Variants in SDK1 observed in about 807,000 individuals in gnomAD.
SDK1 encodes sidekick cell adhesion molecule 1, also known as protein sidekick-1.
Under a neutral mutation model 245.5 loss-of-function variants are expected in SDK1, and 157 were observed. That is an observed-to-expected ratio of 0.64 (90% CI 0.56 to 0.73). The LOEUF is 0.73. Ranked by LOEUF, SDK1 falls within the 30% of genes least tolerant of loss-of-function variation. The pLI, the probability that SDK1 is intolerant of heterozygous loss-of-function variation, is 0.00. For missense variants in SDK1, 3,583 were observed against 3,002.3 expected, an observed-to-expected ratio of 1.19 and a Z score of -4.52; for synonymous variants, 1,647 against 1,278.5, an observed-to-expected ratio of 1.29 and a Z score of -6.15.
intron 4 of SDK1, among the ~76,000 whole-genome samples, chr7:3,760,092 T>C (rs1780049582): frequency 1.3e-5 from 2 of 151,194 alleles, no homozygotes; most frequent in African/African-American, 2.4e-5. Context: ...GTTTACGCAT[T>C]GTGCATGTTT....
intron 4 of SDK1, among the ~76,000 whole-genome samples, chr7:3,657,275 A>C (rs917228029): frequency 6.6e-6 from 1 of 152,164 alleles, no homozygotes; most frequent in African/African-American, 2.4e-5. Flanking sequence ...AAAACATGCT[A>C]AACAGATGAG....
Position 3,860,283 on chromosome 7 carries a change from A to G in SDK1, c.847+38700A>G, listed in dbSNP as rs192613088. On this transcript the variant is annotated intron_variant, in intron 5 of 44. Transcript: ENST00000404826. ...AGACAGACTGGAAGAAAACATTTGC[A>G]ACATAGTCAATCTACAAAGTCTTTT... Among the ~76,000 whole-genome samples, 358 of 152,352 alleles carry G rather than the reference A, an allele frequency of 2.3e-3. 6 individuals are homozygous for G. In the South Asian group the frequency reaches 0.029, roughly 12 times the overall value.
At chr7:3,552,452 T>G (rs2128623553) in intron 1 of SDK1, among the ~76,000 whole-genome samples, 1 of 152,288 alleles carries the variant, frequency 6.6e-6, no homozygotes, top group South Asian at 2.1e-4. Context: ...GGCTACTAGT[T>G]TCTCACCTAC....
intron 1 of SDK1, among the ~76,000 whole-genome samples, chr7:3,432,440 C>G (rs57730923): frequency 6.6e-6 from 1 of 151,962 alleles, no homozygotes; most frequent in Admixed American, 6.6e-5. Context: ...TGTGAATTCT[C>G]CAGGGGGCAA....
At chr7:3,589,065 A>G (rs1780777137) in intron 1 of SDK1, among the ~76,000 whole-genome samples, 2 of 152,372 alleles carry the variant, frequency 1.3e-5, no homozygotes, top group African/African-American at 2.4e-5. Flanking sequence ...TTTTACGGAC[A>G]TCAAGTCAAT....
intron 4 of SDK1, among the ~76,000 whole-genome samples, chr7:3,700,058 T>C (rs1024336145): frequency 6.6e-6 from 1 of 152,188 alleles, no homozygotes; most frequent in Non-Finnish European, 1.5e-5. Flanking sequence ...ATTTTTCACT[T>C]ACTGAAAGAC....
intron 1 of SDK1, among the ~76,000 whole-genome samples, chr7:3,495,623 T>A (rs1414348140): frequency 1.3e-5 from 2 of 152,200 alleles, no homozygotes; most frequent in Non-Finnish European, 2.9e-5. Context: ...AAATTACTCT[T>A]CTTAAAAACA....
chr7:3,648,135 A>G (rs980592900), intron 4 of SDK1, among the ~76,000 whole-genome samples: 14 of 152,198 alleles, frequency 9.2e-5, no homozygotes, highest in African/African-American at 3.4e-4. Flanking sequence ...TTTGATAATA[A>G]AATTGTTCTG....
chr7:3,541,469 C>G (rs752288197), intron 1 of SDK1, among the ~76,000 whole-genome samples: 20 of 152,336 alleles, frequency 1.3e-4, no homozygotes, highest in Non-Finnish European at 2.5e-4. Flanking sequence ...CATTCCCAAC[C>G]TCTTTTCCTT....
intron 5 of SDK1, among the ~76,000 whole-genome samples, chr7:3,914,253 A>G (rs779035287): frequency 1.3e-5 from 2 of 152,170 alleles, no homozygotes; most frequent in Non-Finnish European, 2.9e-5. Flanking sequence ...GCCTATTTTC[A>G]TTCCTGCTCA....
chr7:3,736,834 G>T (rs1055766512), intron 4 of SDK1, among the ~76,000 whole-genome samples: 2 of 152,108 alleles, frequency 1.3e-5, no homozygotes, highest in African/African-American at 4.8e-5. Flanking sequence ...AACTTCAAAT[G>T]TACAATACAG....
intron 5 of SDK1, among the ~76,000 whole-genome samples, chr7:3,868,533 A>T (rs375198877): frequency 5.9e-5 from 9 of 152,340 alleles, no homozygotes; most frequent in African/African-American, 2.2e-4. Context: ...GACAAAATAG[A>T]TGGGGGGCCT....
chr7:3,934,742 A>G (rs983920491), intron 5 of SDK1, among the ~76,000 whole-genome samples: 1 of 152,192 alleles, frequency 6.6e-6, no homozygotes, highest in South Asian at 2.1e-4. Context: ...CTCTTGTCCT[A>G]CTTTCCCCAG....
At chr7:3,876,668 C>G (rs1484481815) in intron 5 of SDK1, among the ~76,000 whole-genome samples, 1 of 152,046 alleles carries the variant, frequency 6.6e-6, no homozygotes, top group East Asian at 1.9e-4. Context: ...TATAGTAGAC[C>G]TTAAGTGGCC....
chr7:4,096,835 A>G (rs562918695), intron 22 of SDK1, among the ~76,000 whole-genome samples: 1 of 152,052 alleles, frequency 6.6e-6, no homozygotes, highest in East Asian at 2.0e-4. Flanking sequence ...GGACACTGAA[A>G]CCCCCACGGG....
intron 22 of SDK1, among the ~76,000 whole-genome samples, chr7:4,091,339 T>C (rs112588045): frequency 6.7e-3 from 517 of 77,742 alleles, no homozygotes; most frequent in African/African-American, 0.01. Flanking sequence ...CTTTTCTTTT[T>C]TTTTTTTTTT....
In SDK1 at chr7:4,139,719, G is replaced by GTGTGTGTA. The variant is rs1562872937; in HGVS notation, c.4229-6002_4229-6001insGTGTGTAT. Among the ~76,000 whole-genome samples the GTGTGTGTA allele has an allele frequency of 3.1e-3, 58 of 18,848 alleles. 2 individuals are homozygous for GTGTGTGTA. The highest frequency in any genetic ancestry group is 7.5e-3 in the African/African-American group (55 of 7,358). 12.4% of individuals were successfully genotyped at this position (18,848 alleles called of 152,430 possible). Reference sequence around the variant, plus strand: ...TGTGTGTGTGTATGTGTGTGTGTGTGTATGTGTGTGTGTGTGTATGTGTGT... The same window carrying GTGTGTGTA: ...TGTGTGTGTGTATGTGTGTGTGTGTGTGTGTGTATATGTGTGTGTGTGTGTATGTGTGT... On this transcript the variant is annotated intron_variant, in intron 28 of 44. Coordinates refer to ENST00000404826, the MANE Select transcript of SDK1 (RefSeq NM_152744.4).
chr7:3,715,653 C>T (rs1785178949), intron 4 of SDK1, among the ~76,000 whole-genome samples: 1 of 152,176 alleles, frequency 6.6e-6, no homozygotes, highest in Non-Finnish European at 1.5e-5. Flanking sequence ...GTCCTATACC[C>T]TAAACCCATC....
chr7:4,267,406 T>G lies in SDK1; in HGVS notation c.*2022T>G, dbSNP rs1388453587. Reference sequence around the variant, plus strand: ...ATTCTAAACCAAAAATCCTAGATGCTCTGCCCAAAGCCACTTCTGCATGAG... The same window carrying G: ...ATTCTAAACCAAAAATCCTAGATGCGCTGCCCAAAGCCACTTCTGCATGAG... On this transcript the variant is annotated 3_prime_UTR_variant, in exon 45 of 45. Coordinates refer to ENST00000404826, the MANE Select transcript of SDK1 (RefSeq NM_152744.4). 1.0e-6 allele frequency: 1 copy of G among 985,082 alleles called. No individual in the cohort carries two copies. Among genetic ancestry groups the G allele is most frequent in the Non-Finnish European group, 1.2e-6 (1 of 829,936 alleles). 61.0% of individuals were successfully genotyped at this position (985,082 alleles called of 1,614,324 possible).
Sources: allele counts gnomAD v4.1 joint callset (sites outside exome capture counted in the v4.1 genomes callset), GRCh38; gene constraint gnomAD v4.1.1; transcripts MANE v1.5; gene names NCBI Gene and HGNC (gene_info 2026-07-23, HGNC 2026-07-21).